The following PIK3R5 variants were observed in gnomAD, a reference collection of about 807,000 sequenced individuals.
The protein encoded by PIK3R5 is phosphoinositide 3-kinase regulatory subunit 5.
A neutral mutation model predicts 94.9 loss-of-function variants in PIK3R5; 32 were observed. The observed-to-expected ratio is 0.34, with a 90% CI of 0.25 to 0.45. The LOEUF is 0.45. Ranked by LOEUF, PIK3R5 falls within the 20% of genes least tolerant of loss-of-function variation. The pLI is 1.00. For missense variants in PIK3R5, 853 were observed against 1,144.6 expected (o/e 0.75, Z 3.68); for synonymous variants, 443 against 479.4 (o/e 0.92, Z 0.99).
Position 8,893,537 on chromosome 17 carries a change from G to C in PIK3R5, c.482+49C>G. ...GAGGGTGAAGGTGGAACAGTGCAGG[G>C]GTCCCAAACTCCCTCCCCACTGTTT... On this transcript the variant is annotated intron_variant, in intron 6 of 18. Coordinates refer to ENST00000447110, the MANE Select transcript of PIK3R5 (RefSeq NM_001142633.3). This position sits in a 1 kb window ranked among gnomAD's most constrained non-coding sequence, Gnocchi z 5.1. 1 of 1,436,278 alleles carries C rather than the reference G, an allele frequency of 7.0e-7. No homozygotes were observed. The allele number at this position is 1,436,278 out of a possible 1,614,324, so 89.0% of individuals were successfully genotyped here.
chr17:8,902,913 CGG>C (rs2090319658), intron 5 of PIK3R5, among the ~76,000 whole-genome samples: 1 of 148,292 alleles, frequency 6.7e-6, no homozygotes, highest in Admixed American at 6.7e-5. Flanking sequence ...GGTGTGATCT[CGG>C]AGGCACTTGA....
chr17:8,915,212 C>G (rs1357864855), intron 1 of PIK3R5, among the ~76,000 whole-genome samples: 2 of 152,080 alleles, frequency 1.3e-5, no homozygotes, highest in Non-Finnish European at 2.9e-5. Flanking sequence ...CACCTGAGGT[C>G]AGGAGTTTGA....
At position 8,925,534 on chromosome 17, in the gene PIK3R5, T is replaced by C. The variant is rs1240816267; in HGVS notation, c.-13-14027A>G. Among the ~76,000 whole-genome samples, 1 of 149,236 alleles carries C rather than the reference T, an allele frequency of 6.7e-6. No homozygotes were observed. The highest frequency in any genetic ancestry group is 2.6e-5 in the African/African-American group (1 of 38,958). On this transcript the variant is annotated intron_variant, in intron 1 of 18. Transcript: ENST00000447110. This position sits in a 1 kb window ranked among gnomAD's most constrained non-coding sequence, Gnocchi z 5.1. ...AGTAGATGGATAGATAGATAGATAG[T>C]AGATAGATAGTAGATGGATAGATAG...
At chr17:8,964,400 A>C (rs2091627204) in intron 1 of PIK3R5, among the ~76,000 whole-genome samples, 1 of 151,992 alleles carries the variant, frequency 6.6e-6, no homozygotes, top group African/African-American at 2.4e-5. Flanking sequence ...CAATAATAAT[A>C]ATAATAATAA....
At chr17:8,887,019 C>G (rs1323248135) in intron 12 of PIK3R5, 77 bp downstream of exon 12, 3 of 1,564,614 alleles carry the variant, frequency 1.9e-6, no homozygotes, top group Non-Finnish European at 2.6e-6. Flanking sequence ...GCCTGATTCC[C>G]TAAATCCAGG....
In PIK3R5 at chr17:8,944,156, T is replaced by C. The variant is rs543627752; in HGVS notation, c.-14+21440A>G. On this transcript the variant is annotated intron_variant, in intron 1 of 18. Coordinates refer to ENST00000447110, the MANE Select transcript of PIK3R5 (RefSeq NM_001142633.3). ...GAGCATGTATTTTGTCTTCTGTTCC[T>C]GCATTAGTTTGCTAAGAATAACAGA... 1.2e-3 allele frequency among the ~76,000 whole-genome samples: 182 copies of C among 152,334 alleles called. 1 individual carries two copies. Among genetic ancestry groups the C allele is most frequent in the Middle Eastern group, 3.4e-3 (1 of 294 alleles).
chr17:8,900,342 G>A (rs149926326), intron 5 of PIK3R5, among the ~76,000 whole-genome samples: 3 of 152,220 alleles, frequency 2.0e-5, no homozygotes, highest in African/African-American at 7.2e-5. Flanking sequence ...CTCTATCATC[G>A]TGCTGGTTTC....
At position 8,955,961 on chromosome 17, in the gene PIK3R5, C is replaced by T. The variant is rs1213687835; in HGVS notation, c.-14+9635G>A. 6.6e-6 allele frequency among the ~76,000 whole-genome samples: 1 copy of T among 152,032 alleles called. No homozygotes were observed. Among genetic ancestry groups the T allele is most frequent in the Non-Finnish European group, 1.5e-5 (1 of 67,976 alleles). ...CTTGAGCCCAGGAGTTTGAGAACAG[C>T]CTGGGCAACATAGTGAGACCCTGTC... On this transcript the variant is annotated intron_variant, in intron 1 of 18. Coordinates refer to ENST00000447110, the MANE Select transcript of PIK3R5 (RefSeq NM_001142633.3). This position sits in a 1 kb window ranked among gnomAD's most constrained non-coding sequence, Gnocchi z 4.4.
chr17:8,903,160 C>T (rs1262304840), intron 5 of PIK3R5, among the ~76,000 whole-genome samples: 1 of 152,208 alleles, frequency 6.6e-6, no homozygotes, highest in Non-Finnish European at 1.5e-5. Flanking sequence ...AGATAGTCTT[C>T]TAACTCAATA....
rs752832152 is a variant in PIK3R5 at position 8,888,186 on chromosome 17, G to A, written c.1601C>T (p.Ala534Val). Reference protein sequence around the residue: ...SDRISGKVARAYSNLRRLENN... With the variant: ...SDRISGKVARVYSNLRRLENN... ...CGGCTCTTACCGAAGGTTGCTGTAC[G>A]CCCGAGCCACCTTCCCTGAAATCCG... is the stretch of plus-strand genomic sequence containing the variant. The change falls in exon 10 of 19, where the codon GCG (alanine) becomes GTG (valine). Residue 534 changes from alanine (A) to valine (V), a missense_variant. Around this residue, in one of 6 missense-constraint regions of PIK3R5, gnomAD observed 319 missense variants for 339.8 expected, o/e 0.94. Transcript: ENST00000447110. This position sits in a 1 kb window ranked among gnomAD's most constrained non-coding sequence, Gnocchi z 7.8. The A allele has an allele frequency of 3.7e-6, 6 of 1,613,224 alleles. No individual in the cohort carries two copies. Among genetic ancestry groups the A allele is most frequent in the South Asian group, 1.1e-5 (1 of 91,070 alleles).
At chr17:8,939,101 A>G (rs1349988376) in intron 1 of PIK3R5, among the ~76,000 whole-genome samples, 2 of 152,198 alleles carry the variant, frequency 1.3e-5, no homozygotes, top group Non-Finnish European at 1.5e-5. Flanking sequence ...ACATGGGACA[A>G]TCCTTCCAGG....
intron 3 of PIK3R5, among the ~76,000 whole-genome samples, chr17:8,906,038 G>A (rs868419780): frequency 6.6e-6 from 1 of 151,974 alleles, no homozygotes. Flanking sequence ...GTGCAGAACG[G>A]GCAGGTTTGT....
At position 8,879,560 on chromosome 17, in the gene PIK3R5, G is replaced by C. The variant is rs575978520; in HGVS notation, c.*1079C>G. The C allele has an allele frequency of 7.2e-5, 11 of 152,344 alleles. No homozygotes were observed. The highest frequency in any genetic ancestry group is 1.9e-4 in the East Asian group (1 of 5,182). The allele number at this position is 152,344 out of a possible 1,614,324, so 9.4% of individuals were successfully genotyped here. ...TGGGAGGGCCAATCTGATACAGAAG[G>C]GGGTGAAGGGTAGGGCCCCTGAGCA... On this transcript the variant is annotated 3_prime_UTR_variant, in exon 19 of 19. Transcript: ENST00000447110. The surrounding 1 kb of genome is among the most constrained non-coding windows in gnomAD (Gnocchi z 4.4).
chr17:8,895,114 G>A (rs1417628378), intron 5 of PIK3R5, among the ~76,000 whole-genome samples: 1 of 152,036 alleles, frequency 6.6e-6, no homozygotes, highest in African/African-American at 2.4e-5. Flanking sequence ...TCAGGACTTG[G>A]GACACCATCT....
rs1218906727 is a variant in PIK3R5 at position 8,904,653 on chromosome 17, G to A, written c.412+124C>T. The A allele has an allele frequency of 1.1e-6, 1 of 895,818 alleles. No homozygotes were observed. The highest frequency in any genetic ancestry group is 1.7e-6 in the Non-Finnish European group (1 of 572,432). 55.5% of individuals were successfully genotyped at this position (895,818 alleles called of 1,614,324 possible). On this transcript the variant is annotated intron_variant, in intron 5 of 18. Coordinates refer to ENST00000447110, the MANE Select transcript of PIK3R5 (RefSeq NM_001142633.3). The surrounding 1 kb of genome is among the most constrained non-coding windows in gnomAD (Gnocchi z 5.1). The stretch of plus-strand genomic sequence containing the variant: ...AGGAGACTCCATGTTTGTGAACCAA[G>A]GCGTTGGCAGAGATGAATCAAAGGA...
At position 8,905,678 on chromosome 17, in the gene PIK3R5, A is replaced by G. The variant is rs770080571; in HGVS notation, c.264T>C (p.Thr88=). Residue 88 remains threonine, a synonymous_variant, in exon 4 of 19, where the codon ACT becomes ACC. Transcript: ENST00000447110. ...LTPLALLFYS[T]VLCTPHFPPD... ...GCCCACGTGGACTTACACAAAGAAC[A>G]GTGGAATAGAAGAGCAGGGCCAGCG... The G allele has an allele frequency of 6.2e-7, 1 of 1,603,904 alleles. No homozygotes were observed. Among genetic ancestry groups the G allele is most frequent in the East Asian group, 2.2e-5 (1 of 44,582 alleles).
chr17:8,941,817 C>T (rs2091185969), intron 1 of PIK3R5, among the ~76,000 whole-genome samples: 1 of 152,242 alleles, frequency 6.6e-6, no homozygotes, highest in African/African-American at 2.4e-5. Context: ...GCCAGTTCAT[C>T]CTACGGCCTC....
Position 8,896,274 on chromosome 17 carries a change from C to T in PIK3R5, c.413-2619G>A, listed in dbSNP as rs923786463. Among the ~76,000 whole-genome samples, 16 of 152,044 alleles carry T rather than the reference C, an allele frequency of 1.1e-4. No homozygotes were observed. Among genetic ancestry groups the T allele is most frequent in the African/African-American group, 2.9e-4 (12 of 41,388 alleles). On this transcript the variant is annotated intron_variant, in intron 5 of 18. Transcript: ENST00000447110. The surrounding 1 kb of genome is among the most constrained non-coding windows in gnomAD (Gnocchi z 4.0). ...TAAGTGGGGTGTGCAATGTCAGTTT[C>T]GAGACCACCCTTAACTCCACCCTCC...
At chr17:8,891,024 A>G in intron 6 of PIK3R5, 112 bp from the exon 7 acceptor site, 2 of 1,026,310 alleles carry the variant, frequency 1.9e-6, no homozygotes, top group Non-Finnish European at 2.8e-6. Context: ...GGGCCTCCTC[A>G]AGCCCAGGCA....
Sources: gnomAD v4.1 joint callset for allele counts (sites outside exome capture counted in the v4.1 genomes callset) on GRCh38, gnomAD v4.1.1 for gene constraint, gnomAD v4.1.1 regional missense constraint, Gnocchi (gnomAD v3.1) non-coding constraint, MANE v1.5 for transcripts, NCBI Gene and HGNC (gene_info 2026-07-23, HGNC 2026-07-21) for gene names.